ARL2: variants seen among roughly 807,000 people sequenced by gnomAD.
The protein encoded by ARL2 is ARF like GTPase 2.
A neutral mutation model predicts 22.0 loss-of-function variants in ARL2; 11 were observed. That is an observed-to-expected ratio of 0.50 (90% CI 0.31 to 0.83). ARL2 has a LOEUF of 0.83. Among genes scored for constraint, ARL2 ranks in the 40% least tolerant of loss-of-function variants. ARL2 has a pLI of 0.04. For missense variants in ARL2, 216 were observed against 243.2 expected (o/e 0.89, Z 0.74); for synonymous variants, 111 against 100.8 (o/e 1.10, Z -0.61).
chr11:65,016,533 A>G (rs1317852330), intron 1 of ARL2, among the ~76,000 whole-genome samples: 1 of 152,058 alleles, frequency 6.6e-6, no homozygotes, highest in African/African-American at 2.4e-5. Flanking sequence ...CCAGGATGGA[A>G]GTAGTGAGGT....
chr11:65,016,918 G>A (rs1052567172), intron 1 of ARL2, among the ~76,000 whole-genome samples: 4 of 152,140 alleles, frequency 2.6e-5, no homozygotes, highest in East Asian at 1.9e-4. Flanking sequence ...CATGTGCTGG[G>A]GAGGAGGGTG....
chr11:65,014,383 C>T (rs2136898405), intron 1 of ARL2, 111 bp downstream of exon 1: 1 of 848,368 alleles, frequency 1.2e-6, no homozygotes, highest in Admixed American at 4.0e-5. Flanking sequence ...CCCAACTGCC[C>T]CTGGCGTCAC....
rs1219501894 is a variant in ARL2, at chr11:65,018,983, T to C, written c.339+250T>C. The stretch of plus-strand genomic sequence containing the variant: ...TTTCTATGCCTTGAAATGGTGATGA[T>C]GACACCCACATCACTGGGCTTTAGG... On this transcript the variant is annotated intron_variant, in intron 3 of 4. Coordinates refer to ENST00000246747, the MANE Select transcript of ARL2 (RefSeq NM_001667.4). The surrounding 1 kb of genome is among the most constrained non-coding windows in gnomAD (Gnocchi z 4.2). 1 of 1,447,170 alleles carries C rather than the reference T, an allele frequency of 6.9e-7. No individual in the cohort carries two copies. Among genetic ancestry groups the C allele is most frequent in the East Asian group, 2.8e-5 (1 of 35,140 alleles). The allele number at this position is 1,447,170 out of a possible 1,614,324, so 89.6% of individuals were successfully genotyped here.
Position 65,018,451 on chromosome 11 carries a change from C to A in ARL2, c.153C>A (p.Asn51Lys), listed in dbSNP as rs745559338. 1 of 1,608,618 alleles carries A rather than the reference C, an allele frequency of 6.2e-7. No homozygotes were observed. The highest frequency in any genetic ancestry group is 1.1e-5 in the South Asian group (1 of 89,662). Reference sequence around the variant, plus strand: ...CCATCTCCCCAACGCTGGGCTTCAACATCAAGACCCTGGAGCACCGAGGGT... The same window carrying A: ...CCATCTCCCCAACGCTGGGCTTCAAAATCAAGACCCTGGAGCACCGAGGGT... ...IDTISPTLGF[N>K]IKTLEHRGFK... Residue 51 changes from asparagine to lysine, a missense_variant, in exon 2 of 5, where the codon AAC becomes AAA. Coordinates refer to ENST00000246747, the MANE Select transcript of ARL2 (RefSeq NM_001667.4). The surrounding 1 kb of genome is among the most constrained non-coding windows in gnomAD (Gnocchi z 4.2).
intron 3 of ARL2, chr11:65,019,241 A>G (rs1946298497): frequency 6.4e-6 from 1 of 156,294 alleles, no homozygotes; most frequent in Non-Finnish European, 1.4e-5. Flanking sequence ...CCCTGTCTCA[A>G]AAAAAAAAAA....
In ARL2 at chr11:65,018,350, C is replaced by T. The variant is rs190800247; in HGVS notation, c.66-14C>T. 7 of 1,585,138 alleles carry T rather than the reference C, an allele frequency of 4.4e-6. No homozygotes were observed. Among genetic ancestry groups the T allele is most frequent in the Admixed American group, 1.8e-5 (1 of 54,632 alleles). On this transcript the variant is annotated splice_polypyrimidine_tract_variant and intron_variant, in intron 1 of 4. Transcript: ENST00000246747. The surrounding 1 kb of genome is among the most constrained non-coding windows in gnomAD (Gnocchi z 4.2). The stretch of plus-strand genomic sequence containing the variant: ...CAGAGAACAGGGACTTCTCCTTAAC[C>T]TGCTGCGCCCCAGTGGCCTGGACAA...
chr11:65,017,913 G>A (rs1001757902), intron 1 of ARL2, among the ~76,000 whole-genome samples: 2 of 152,206 alleles, frequency 1.3e-5, no homozygotes, highest in African/African-American at 4.8e-5. Context: ...CTTGCTCCTT[G>A]TATTTTGGGT....
At chr11:65,020,685 A>T in intron 4 of ARL2, 186 bp downstream of exon 4, 1 of 584,010 alleles carries the variant, frequency 1.7e-6, no homozygotes, top group Non-Finnish European at 3.0e-6. Flanking sequence ...CCTGACCAAC[A>T]TGATGAAACC....
chr11:65,018,389 A>G lies in ARL2; in HGVS notation c.91A>G (p.Thr31Ala). The part of the protein sequence containing the change: ...MLGLDNAGKT[T>A]ILKKFNGEDI... ...TGGCCTGGACAATGCTGGAAAGACA[A>G]CCATCCTGAAGAAGTTCAATGGGGA... Residue 31 changes from threonine (T) to alanine (A), a missense_variant, in exon 2 of 5, where the codon ACC becomes GCC. Coordinates refer to ENST00000246747, the MANE Select transcript of ARL2 (RefSeq NM_001667.4). The surrounding 1 kb of genome is among the most constrained non-coding windows in gnomAD (Gnocchi z 4.2). The G allele has an allele frequency of 6.2e-7, 1 of 1,607,452 alleles. No homozygotes were observed. The highest frequency in any genetic ancestry group is 8.5e-7 in the Non-Finnish European group (1 of 1,177,494).
chr11:65,020,663 G>GT, intron 4 of ARL2, 164 bp downstream of exon 4: 1 of 640,618 alleles, frequency 1.6e-6, no homozygotes, highest in Non-Finnish European at 2.6e-6. Flanking sequence ...GAGGTCAGGA[G>GT]TTCGAGACCA....
Position 65,018,901 on chromosome 11 carries a change from G to A in ARL2, c.339+168G>A. The A allele has an allele frequency of 6.5e-7, 1 of 1,534,036 alleles. No individual in the cohort carries two copies. The highest frequency in any genetic ancestry group is 8.7e-7 in the Non-Finnish European group (1 of 1,145,994). ...TGCCAGAGGCAGGACACATGCTGTGGACTGAGATTGAGTTAACGTCCCTGT... is the reference window on the plus strand; with the variant it reads ...TGCCAGAGGCAGGACACATGCTGTGAACTGAGATTGAGTTAACGTCCCTGT... On this transcript the variant is annotated intron_variant, in intron 3 of 4. Transcript: ENST00000246747. The surrounding 1 kb of genome is among the most constrained non-coding windows in gnomAD (Gnocchi z 4.2).
Position 65,018,451 on chromosome 11 carries a change from C to T in ARL2, c.153C>T (p.Asn51=), listed in dbSNP as rs745559338. 1.9e-6 allele frequency: 3 copies of T among 1,608,618 alleles called. No homozygotes were observed. In the East Asian group the frequency reaches 6.7e-5, roughly 36 times the overall value. Residue 51 remains asparagine, a synonymous_variant, in exon 2 of 5, where the codon AAC becomes AAT. Coordinates refer to ENST00000246747, the MANE Select transcript of ARL2 (RefSeq NM_001667.4). The surrounding 1 kb of genome is among the most constrained non-coding windows in gnomAD (Gnocchi z 4.2). The part of the protein sequence containing the change: ...IDTISPTLGF[N]IKTLEHRGFK... ...CCATCTCCCCAACGCTGGGCTTCAA[C>T]ATCAAGACCCTGGAGCACCGAGGGT...
intron 1 of ARL2, among the ~76,000 whole-genome samples, chr11:65,017,805 A>G (rs1309019425): frequency 6.6e-6 from 1 of 152,236 alleles, no homozygotes; most frequent in African/African-American, 2.4e-5. Flanking sequence ...AAGCACACCC[A>G]TTAATTTGCA....
At chr11:65,015,913 C>A (rs117544006) in intron 1 of ARL2, among the ~76,000 whole-genome samples, 1,876 of 152,042 alleles carry the variant, frequency 0.012, 22 homozygotes, top group Non-Finnish European at 0.019. Context: ...CAAAGAAGGC[C>A]ACTGTATGAT....
At chr11:65,016,283 C>G (rs1590729142) in intron 1 of ARL2, among the ~76,000 whole-genome samples, 1 of 142,066 alleles carries the variant, frequency 7.0e-6, no homozygotes, top group African/African-American at 2.6e-5. Context: ...GGGGGGGAAA[C>G]TTTAAAGCAA....
In ARL2 at chr11:65,020,400, T is replaced by A. The variant is rs770842028; in HGVS notation, c.340-19T>A. The A allele has an allele frequency of 5.2e-6, 8 of 1,545,210 alleles. No individual in the cohort carries two copies. The highest frequency in any genetic ancestry group is 2.3e-5 in the South Asian group (2 of 88,682). ...GTCCTCTGAGTCCCCACCCCACCCC[T>A]CTATCTTTTCTCCCCCAGCGCCTGG... is the stretch of plus-strand genomic sequence containing the variant. On this transcript the variant is annotated intron_variant, in intron 3 of 4. Coordinates refer to ENST00000246747, the MANE Select transcript of ARL2 (RefSeq NM_001667.4).
At chr11:65,019,166 G>A (rs928646553) in intron 3 of ARL2, 1 of 342,698 alleles carries the variant, frequency 2.9e-6, no homozygotes, top group Admixed American at 4.0e-5. Context: ...GAGCCCAGGA[G>A]GTTGAGGCTG....
chr11:65,021,369 T>C, intron 4 of ARL2: 1 of 225,224 alleles, frequency 4.4e-6, no homozygotes. Context: ...TTTGGTTTCC[T>C]CCTTGGTGAA....
At chr11:65,016,277 G>C (rs1037069643) in intron 1 of ARL2, among the ~76,000 whole-genome samples, 6 of 141,842 alleles carry the variant, frequency 4.2e-5, no homozygotes, top group Admixed American at 7.0e-5. Context: ...TCGGGGGGGG[G>C]GGAAACTTTA....
Sources: allele counts gnomAD v4.1 joint callset (sites outside exome capture counted in the v4.1 genomes callset), GRCh38; gene constraint gnomAD v4.1.1; non-coding constraint Gnocchi (gnomAD v3.1); transcripts MANE v1.5; gene names NCBI Gene and HGNC (gene_info 2026-07-23, HGNC 2026-07-21).